NKAIN2: variants seen among roughly 807,000 people sequenced by gnomAD.
NKAIN2 encodes the protein sodium/potassium transporting ATPase interacting 2.
A neutral mutation model predicts 32.6 loss-of-function variants in NKAIN2; 14 were observed. The observed-to-expected ratio is 0.43, with a 90% CI of 0.28 to 0.67. The LOEUF (loss-of-function observed/expected upper bound fraction) is 0.67, where lower values mean the gene tolerates loss of function less well. Among genes scored for constraint, NKAIN2 ranks in the 30% least tolerant of loss-of-function variants. The pLI, the probability that NKAIN2 is intolerant of heterozygous loss-of-function variation, is 0.17. For synonymous variants in NKAIN2, 80 were observed against 87.2 expected, an observed-to-expected ratio of 0.92 and a Z score of 0.46; for missense variants, 198 against 258.3, an observed-to-expected ratio of 0.77 and a Z score of 1.60.
At chr6:124,176,306 G>A (rs1308857108) in intron 1 of NKAIN2, among the ~76,000 whole-genome samples, 2 of 152,110 alleles carry the variant, frequency 1.3e-5, no homozygotes, top group Non-Finnish European at 2.9e-5. Flanking sequence ...CATTATCTGT[G>A]AAGTATGATT....
intron 1 of NKAIN2, among the ~76,000 whole-genome samples, chr6:124,221,752 C>T (rs868367383): frequency 1.3e-5 from 2 of 152,024 alleles, no homozygotes; most frequent in Non-Finnish European, 2.9e-5. Context: ...CAACCTTATC[C>T]TTGCTCTGTT....
At chr6:124,731,684 A>T (rs773719318) in intron 4 of NKAIN2, among the ~76,000 whole-genome samples, 1 of 151,934 alleles carries the variant, frequency 6.6e-6, no homozygotes, top group Middle Eastern at 3.4e-3. Context: ...CAATGTGCAC[A>T]TGTACCCTAA....
intron 2 of NKAIN2, among the ~76,000 whole-genome samples, chr6:124,305,720 T>G (rs1796481135): frequency 6.6e-6 from 1 of 152,186 alleles, no homozygotes; most frequent in Non-Finnish European, 1.5e-5. Flanking sequence ...CTATCTTATG[T>G]TCTTAGCTTT....
intron 1 of NKAIN2, among the ~76,000 whole-genome samples, chr6:124,202,385 T>G (rs1790635469): frequency 6.6e-6 from 1 of 151,990 alleles, no homozygotes; most frequent in South Asian, 2.1e-4. Context: ...AGTCTAATTA[T>G]GTTTTTTATG....
chr6:124,136,851 G>A (rs1786817615), intron 1 of NKAIN2, among the ~76,000 whole-genome samples: 1 of 151,916 alleles, frequency 6.6e-6, no homozygotes, highest in African/African-American at 2.4e-5. Flanking sequence ...AGAAGGGACA[G>A]GGACATACTT....
chr6:123,988,503 A>T (rs1348710832), intron 1 of NKAIN2, among the ~76,000 whole-genome samples: 2 of 152,136 alleles, frequency 1.3e-5, no homozygotes, highest in East Asian at 3.9e-4. Flanking sequence ...CGGAACAAGG[A>T]ACGACCCAGG....
chr6:124,454,530 C>G (rs1776247753), intron 3 of NKAIN2, among the ~76,000 whole-genome samples: 1 of 151,784 alleles, frequency 6.6e-6, no homozygotes, highest in Non-Finnish European at 1.5e-5. Context: ...AACAAAGAGC[C>G]CAGATTTCTA....
At chr6:124,239,026 T>C (rs878996110) in intron 1 of NKAIN2, among the ~76,000 whole-genome samples, 2 of 152,218 alleles carry the variant, frequency 1.3e-5, no homozygotes, top group East Asian at 3.9e-4. Context: ...CCATCTCACA[T>C]GCAAAGACAC....
chr6:124,067,809 G>A (rs757566488), intron 1 of NKAIN2, among the ~76,000 whole-genome samples: 13 of 152,162 alleles, frequency 8.5e-5, no homozygotes, highest in Non-Finnish European at 1.6e-4. Flanking sequence ...GGGCAAATGT[G>A]TGGATTAAAT....
chr6:124,583,130 C>T (rs573524238), intron 3 of NKAIN2, among the ~76,000 whole-genome samples: 14 of 149,322 alleles, frequency 9.4e-5, no homozygotes, highest in Admixed American at 2.0e-4. Context: ...AGAAATCAGA[C>T]GAAAGAAATA....
At chr6:124,688,587 G>A (rs984404699) in intron 4 of NKAIN2, among the ~76,000 whole-genome samples, 1 of 151,838 alleles carries the variant, frequency 6.6e-6, no homozygotes, top group African/African-American at 2.4e-5. Flanking sequence ...ATCATATATG[G>A]TATTTTCACT....
At chr6:123,874,175 G>T (rs1293072518) in intron 1 of NKAIN2, among the ~76,000 whole-genome samples, 1 of 152,152 alleles carries the variant, frequency 6.6e-6, no homozygotes, top group East Asian at 1.9e-4. Flanking sequence ...ACCATGGAGA[G>T]CACTTAGCTG....
chr6:124,156,094 A>G (rs1787974732), intron 1 of NKAIN2, among the ~76,000 whole-genome samples: 1 of 152,080 alleles, frequency 6.6e-6, no homozygotes, highest in South Asian at 2.1e-4. Flanking sequence ...AAAGATGTGC[A>G]TTCTGAGCTA....
rs1344842480 is a variant in NKAIN2 at position 124,059,660 on chromosome 6, C to T, written c.55-223345C>T. ...TGTATTATTGCCACTCCTTTTGTGT[C>T]GAGTGCTTCAGAGGTTCCATCCACT... On this transcript the variant is annotated intron_variant, in intron 1 of 6. Transcript: ENST00000368417. 7.2e-5 allele frequency among the ~76,000 whole-genome samples: 11 copies of T among 152,226 alleles called. No individual in the cohort carries two copies. The East Asian group carries it at 1.4e-3, about 19-fold the overall frequency.
intron 4 of NKAIN2, among the ~76,000 whole-genome samples, chr6:124,723,409 C>G (rs1267851500): frequency 3.7e-5 from 5 of 136,048 alleles, no homozygotes; most frequent in East Asian, 4.8e-4. Flanking sequence ...ATCTGCCTCA[C>G]TGCTGCACTG....
intron 1 of NKAIN2, among the ~76,000 whole-genome samples, chr6:124,092,935 TTCTC>T (rs549228543): frequency 2.6e-5 from 4 of 152,084 alleles, no homozygotes; most frequent in African/African-American, 4.8e-5. Flanking sequence ...CCACTGATTT[TTCTC>T]TCTATTTAAT....
intron 3 of NKAIN2, among the ~76,000 whole-genome samples, chr6:124,468,931 A>C (rs1235156378): frequency 6.6e-6 from 1 of 152,184 alleles, no homozygotes; most frequent in Non-Finnish European, 1.5e-5. Flanking sequence ...TGGATAGTTT[A>C]GTTTTTATCT....
At chr6:124,481,875 G>T (rs1346355841) in intron 3 of NKAIN2, among the ~76,000 whole-genome samples, 1 of 151,824 alleles carries the variant, frequency 6.6e-6, no homozygotes, top group African/African-American at 2.4e-5. Flanking sequence ...AGGCGAGGGG[G>T]AATAAAAAAA....
rs572126966 is a variant in NKAIN2 at position 123,847,928 on chromosome 6, G to A, written c.54+43674G>A. Among the ~76,000 whole-genome samples, 7 of 152,196 alleles carry A rather than the reference G, an allele frequency of 4.6e-5. No individual in the cohort carries two copies. In the East Asian group the frequency reaches 7.8e-4, roughly 17 times the overall value. ...CCACTGTGCAGTCAGGTTGAAAATT[G>A]TTGGTTTAAAGTCAAGTACTTCAAA... is the stretch of plus-strand genomic sequence containing the variant. On this transcript the variant is annotated intron_variant, in intron 1 of 6. Coordinates refer to ENST00000368417, the MANE Select transcript of NKAIN2 (RefSeq NM_001040214.3).
Sources: gnomAD v4.1 joint callset for allele counts (sites outside exome capture counted in the v4.1 genomes callset) on GRCh38, gnomAD v4.1.1 for gene constraint, MANE v1.5 for transcripts, NCBI Gene and HGNC (gene_info 2026-07-23, HGNC 2026-07-21) for gene names.